SORBS2: variants seen among roughly 807,000 people sequenced by gnomAD.
SORBS2 encodes sorbin and SH3 domain containing 2.
In SORBS2, 46 loss-of-function variants were observed where a neutral mutation model predicts 97.7. That is an observed-to-expected ratio of 0.47 (90% CI 0.37 to 0.60). SORBS2 has a LOEUF of 0.60. Among genes scored for constraint, SORBS2 ranks in the 20% least tolerant of loss-of-function variants. The pLI, the probability that SORBS2 is intolerant of heterozygous loss-of-function variation, is 0.00. For missense variants in SORBS2, 1,316 were observed against 1,282.3 expected (o/e 1.03, Z -0.40); for synonymous variants, 476 against 473.4 (o/e 1.01, Z -0.07).
intron 2 of SORBS2, among the ~76,000 whole-genome samples, chr4:185,730,127 T>C (rs1344779614): frequency 1.3e-5 from 2 of 152,080 alleles, no homozygotes; most frequent in African/African-American, 2.4e-5. Flanking sequence ...TAATTTTTTG[T>C]ATTTTTAGTA....
At chr4:185,831,660 G>A (rs1460592124) in intron 1 of SORBS2, among the ~76,000 whole-genome samples, 1 of 152,152 alleles carries the variant, frequency 6.6e-6, no homozygotes, top group Non-Finnish European at 1.5e-5. Context: ...GCAGGTATGT[G>A]GACGGGTGTT....
chr4:185,856,342 C>G (rs1304338701), intron 1 of SORBS2, among the ~76,000 whole-genome samples: 2 of 152,148 alleles, frequency 1.3e-5, no homozygotes, highest in Admixed American at 6.6e-5. Context: ...AGAATACCAT[C>G]TGACTGCCAT....
intron 4 of SORBS2, among the ~76,000 whole-genome samples, chr4:185,663,881 GT>G (rs2097558436): frequency 8.1e-6 from 1 of 124,158 alleles, no homozygotes; most frequent in Non-Finnish European, 1.6e-5. Flanking sequence ...TTGAGATGGA[GT>G]CTCGCTCTGT....
At chr4:185,849,474 ATT>A (rs35266876) in intron 1 of SORBS2, among the ~76,000 whole-genome samples, 2 of 147,130 alleles carry the variant, frequency 1.4e-5, no homozygotes, top group African/African-American at 2.5e-5. Context: ...TCTCCCTGCC[ATT>A]TTTTTTTTTT....
chr4:185,613,477 A>ACTG, intron 11 of SORBS2, among the ~76,000 whole-genome samples: 1 of 151,012 alleles, frequency 6.6e-6, no homozygotes, highest in East Asian at 1.9e-4. Context: ...GTGAAACCCC[A>ACTG]TCTCTACTAA....
At chr4:185,856,664 T>C (rs1353442674) in intron 1 of SORBS2, among the ~76,000 whole-genome samples, 1 of 152,206 alleles carries the variant, frequency 6.6e-6, no homozygotes, top group Non-Finnish European at 1.5e-5. Flanking sequence ...CAAATTCATA[T>C]GTTGATGGCA....
chr4:185,888,245 G>A (rs1276705823), intron 1 of SORBS2, among the ~76,000 whole-genome samples: 1 of 152,082 alleles, frequency 6.6e-6, no homozygotes, highest in African/African-American at 2.4e-5. Context: ...TGAAAACATG[G>A]TCTTTGGAGA....
chr4:185,655,602 T>C (rs954549500), intron 1 of SORBS2, among the ~76,000 whole-genome samples: 2 of 152,248 alleles, frequency 1.3e-5, no homozygotes, highest in African/African-American at 4.8e-5. Flanking sequence ...TTGGTTATAT[T>C]GTGTTTTCTA....
intron 11 of SORBS2, among the ~76,000 whole-genome samples, chr4:185,613,341 G>T (rs992545912): frequency 9.2e-5 from 14 of 152,224 alleles, no homozygotes; most frequent in African/African-American, 3.4e-4. Flanking sequence ...CCGCTGAGCA[G>T]AACATACTCA....
chr4:185,679,842 T>C (rs2097845874), intron 2 of SORBS2, among the ~76,000 whole-genome samples: 2 of 152,204 alleles, frequency 1.3e-5, no homozygotes, highest in Non-Finnish European at 2.9e-5. Flanking sequence ...TTTTCAAGTT[T>C]AAACACATGA....
Position 185,866,036 on chromosome 4 carries a change from A to G in SORBS2, c.-338+90160T>C, listed in dbSNP as rs1284720347. 2.0e-5 allele frequency among the ~76,000 whole-genome samples: 3 copies of G among 152,236 alleles called. No homozygotes were observed. In the East Asian group the frequency reaches 5.8e-4, roughly 29 times the overall value. On this transcript the variant is annotated intron_variant, in intron 1 of 20. Coordinates refer to the SORBS2 transcript ENST00000284776. ...CAGGTTTTGATATGTACAAATTGCC[A>G]AAGGAAATTCCAGAAGGCCTAGAAA...
chr4:185,649,813 AATTT>A (rs1333045416), intron 2 of SORBS2, among the ~76,000 whole-genome samples, 157 bp from the exon 12 acceptor site: 1 of 152,168 alleles, frequency 6.6e-6, no homozygotes, highest in African/African-American at 2.4e-5. Flanking sequence ...GTAGTTTCTT[AATTT>A]ATTAATATTA....
intron 2 of SORBS2, among the ~76,000 whole-genome samples, chr4:185,701,224 G>A (rs930205043): frequency 1.3e-5 from 2 of 152,164 alleles, no homozygotes; most frequent in Non-Finnish European, 1.5e-5. Flanking sequence ...TGGAAAAGCA[G>A]AAAAATTTCC....
chr4:185,938,648 C>T (rs1431637605), intron 1 of SORBS2, among the ~76,000 whole-genome samples: 3 of 152,076 alleles, frequency 2.0e-5, no homozygotes, highest in Non-Finnish European at 4.4e-5. Context: ...ATCCTAGTAT[C>T]TACACTCTGG....
intron 1 of SORBS2, among the ~76,000 whole-genome samples, chr4:185,857,293 A>G (rs1048377469): frequency 1.3e-5 from 2 of 152,178 alleles, no homozygotes; most frequent in Non-Finnish European, 2.9e-5. Context: ...TGAAGATTTC[A>G]TGGACACTTA....
intron 2 of SORBS2, among the ~76,000 whole-genome samples, chr4:185,721,985 G>A (rs2098518407): frequency 6.6e-6 from 1 of 152,138 alleles, no homozygotes; most frequent in South Asian, 2.1e-4. Flanking sequence ...GAAAAAAAAT[G>A]AGAAGTTCTT....
At chr4:185,896,079 C>T (rs188963861) in intron 1 of SORBS2, among the ~76,000 whole-genome samples, 42 of 152,222 alleles carry the variant, frequency 2.8e-4, no homozygotes, top group Admixed American at 2.5e-3. Context: ...AAAAAAGCTC[C>T]GGATTAGGCC....
chr4:185,627,852 C>T (rs112784870), intron 5 of SORBS2, among the ~76,000 whole-genome samples: 24 of 149,578 alleles, frequency 1.6e-4, no homozygotes, highest in African/African-American at 5.9e-4. Context: ...CTTCCTCCCG[C>T]TCATCCTGGC....
At chr4:185,654,787 C>T (rs1294368731) in intron 1 of SORBS2, among the ~76,000 whole-genome samples, 1 of 136,690 alleles carries the variant, frequency 7.3e-6, no homozygotes, top group Non-Finnish European at 1.6e-5. Context: ...TGAAAAATAG[C>T]TACTAGCAAT....
Sources: gnomAD v4.1 joint callset for allele counts (sites outside exome capture counted in the v4.1 genomes callset) on GRCh38, gnomAD v4.1.1 for gene constraint, MANE v1.5 for transcripts, NCBI Gene and HGNC (gene_info 2026-07-23, HGNC 2026-07-21) for gene names.